The following LMCD1 variants were observed in gnomAD, a reference collection of about 807,000 sequenced individuals.
LMCD1 encodes LIM and cysteine rich domains 1.
A neutral mutation model predicts 42.7 loss-of-function variants in LMCD1; 32 were observed. The observed-to-expected ratio is 0.75, with a 90% CI of 0.57 to 1.01. The LOEUF (loss-of-function observed/expected upper bound fraction) is 1.01, where lower values mean the gene tolerates loss of function less well. LMCD1 is among the 50% of genes least tolerant of loss of function. The probability of loss-of-function intolerance (pLI) is 0.00; values close to 1 mark genes in which losing one functional copy is unlikely to be tolerated. For missense variants in LMCD1, 458 were observed against 483.1 expected, an observed-to-expected ratio of 0.95 and a Z score of 0.49; for synonymous variants, 178 against 184.9, an observed-to-expected ratio of 0.96 and a Z score of 0.30.
At chr3:8,565,189 T>C (rs1414323204) in intron 4 of LMCD1, among the ~76,000 whole-genome samples, 1 of 152,228 alleles carries the variant, frequency 6.6e-6, no homozygotes, top group Non-Finnish European at 1.5e-5. Context: ...TAAAGGGTAC[T>C]GAGACCAAAC....
rs1281317518 is a variant in LMCD1, at chr3:8,570,997, C to T, written c.*3399C>T. On this transcript the variant is annotated 3_prime_UTR_variant, in exon 6 of 6. Transcript: ENST00000157600. ...TGCCTCTGCTGGGGGGCTGCAATAG[C>T]TGAGTGGGATTCTGTACCAGAATTG... is the stretch of plus-strand genomic sequence containing the variant. 8 of 152,162 alleles carry T rather than the reference C, an allele frequency of 5.3e-5. No homozygotes were observed. The highest frequency in any genetic ancestry group is 1.2e-4 in the Non-Finnish European group (8 of 68,050). The allele number at this position is 152,162 out of a possible 1,614,324, so 9.4% of individuals were successfully genotyped here.
chr3:8,537,091 A>C (rs552347374), intron 2 of LMCD1, 94 bp from the exon 3 acceptor site: 416 of 1,402,362 alleles, frequency 3.0e-4, no homozygotes, highest in Non-Finnish European at 3.4e-4. Context: ...TTAAAGTTTT[A>C]GCTTGCTTTC....
chr3:8,565,606 T>G lies in LMCD1; in HGVS notation c.898T>G (p.Tyr300Asp), dbSNP rs1695119439. The G allele has an allele frequency of 6.2e-7, 1 of 1,612,392 alleles. No individual in the cohort carries two copies. Among genetic ancestry groups the G allele is most frequent in the African/African-American group, 1.3e-5 (1 of 75,046 alleles). Residue 300 changes from tyrosine to aspartate, a missense_variant, in exon 5 of 6, where the codon TAC becomes GAC. By Grantham distance (160) the Tyr-to-Asp change is radical (BLOSUM62 -3). Transcript: ENST00000157600. ...KDGAPWCGRH[Y>D]CESLRPRCSG... ...TGGTGCACCCTGGTGCGGCCGCCAT[T>G]ACTGCGAGAGTCTGCGGCCCCGGTG...
chr3:8,513,262 G>A (rs1050048233), intron 1 of LMCD1, among the ~76,000 whole-genome samples: 8 of 152,100 alleles, frequency 5.3e-5, no homozygotes, highest in African/African-American at 1.9e-4. Flanking sequence ...TCTATATTTT[G>A]GGTTTCTTCC....
intron 4 of LMCD1, among the ~76,000 whole-genome samples, chr3:8,553,999 G>A (rs1479272243): frequency 6.6e-6 from 1 of 152,160 alleles, no homozygotes; most frequent in Admixed American, 6.5e-5. Context: ...GGAAGAAAGG[G>A]GAAACTGTGA....
At chr3:8,554,157 G>T (rs1372727657) in intron 4 of LMCD1, among the ~76,000 whole-genome samples, 1 of 152,068 alleles carries the variant, frequency 6.6e-6, no homozygotes, top group Non-Finnish European at 1.5e-5. Flanking sequence ...CCATCCTCCC[G>T]CCTCAACCTC....
At chr3:8,559,656 G>A (rs565104907) in intron 4 of LMCD1, among the ~76,000 whole-genome samples, 85 of 152,330 alleles carry the variant, frequency 5.6e-4, no homozygotes, top group Non-Finnish European at 5.3e-4. Flanking sequence ...TGAGACCCAA[G>A]TAGGCTGGCA....
At chr3:8,565,032 A>C (rs1695101702) in intron 4 of LMCD1, among the ~76,000 whole-genome samples, 1 of 152,208 alleles carries the variant, frequency 6.6e-6, no homozygotes, top group African/African-American at 2.4e-5. Flanking sequence ...AGGTATGTTA[A>C]TGTATTACAG....
At position 8,506,168 on chromosome 3, in the gene LMCD1, C is replaced by T. The variant is rs1317700578; in HGVS notation, c.42+4188C>T. ...TTGGGGGCTGACAGTTGACTTTCACCAATGTATCTGCCACTGTGGTAGTGG... is the reference window on the plus strand; with the variant it reads ...TTGGGGGCTGACAGTTGACTTTCACTAATGTATCTGCCACTGTGGTAGTGG... On this transcript the variant is annotated intron_variant, in intron 1 of 5. Coordinates refer to ENST00000157600, the MANE Select transcript of LMCD1 (RefSeq NM_014583.4). 2.6e-5 allele frequency among the ~76,000 whole-genome samples: 4 copies of T among 152,142 alleles called. No homozygotes were observed. The South Asian group carries it at 8.3e-4, about 31-fold the overall frequency.
chr3:8,562,251 G>A (rs1695053027), intron 4 of LMCD1, among the ~76,000 whole-genome samples: 1 of 152,198 alleles, frequency 6.6e-6, no homozygotes, highest in Non-Finnish European at 1.5e-5. Flanking sequence ...GAAAGAGGAT[G>A]ACAAACAGCC....
intron 1 of LMCD1, among the ~76,000 whole-genome samples, chr3:8,502,283 TATATA>T (rs1693741809): frequency 1.7e-5 from 1 of 58,928 alleles, no homozygotes; most frequent in African/African-American, 7.1e-5. Context: ...ATATAAAATA[TATATA>T]ATATATATTA....
At chr3:8,509,411 C>T (rs1298265277) in intron 1 of LMCD1, among the ~76,000 whole-genome samples, 1 of 152,100 alleles carries the variant, frequency 6.6e-6, no homozygotes, top group African/African-American at 2.4e-5. Flanking sequence ...AGCAGCCCTC[C>T]CCTGCTCCAT....
chr3:8,538,815 C>T (rs1278209659), intron 3 of LMCD1, among the ~76,000 whole-genome samples: 2 of 152,164 alleles, frequency 1.3e-5, no homozygotes, highest in South Asian at 2.1e-4. Flanking sequence ...TCCTGTAAAC[C>T]GTAACATCCC....
chr3:8,547,746 A>AGCTGGGC (rs59400496), intron 3 of LMCD1, among the ~76,000 whole-genome samples: 2 of 151,536 alleles, frequency 1.3e-5, no homozygotes, highest in African/African-American at 2.4e-5. Flanking sequence ...CAAAAAAATT[A>AGCTGGGC]GCAGTGGCGG....
rs777617713 is a variant in LMCD1 at position 8,501,921 on chromosome 3, C to T, written c.-18C>T. 2.5e-6 allele frequency: 4 copies of T among 1,584,486 alleles called. No individual in the cohort carries two copies. The highest frequency in any genetic ancestry group is 2.6e-6 in the Non-Finnish European group (3 of 1,166,910). ...TCTGCCTGAGAAGCCAGGCGCTGTT[C>T]CCCCACCCCAGAAGAGGATGGCAAA... On this transcript the variant is annotated 5_prime_UTR_variant, in exon 1 of 6. Coordinates refer to ENST00000157600, the MANE Select transcript of LMCD1 (RefSeq NM_014583.4).
intron 1 of LMCD1, among the ~76,000 whole-genome samples, chr3:8,510,375 G>A (rs1693973460): frequency 6.6e-6 from 1 of 152,132 alleles, no homozygotes; most frequent in Non-Finnish European, 1.5e-5. Flanking sequence ...AGCATCTGGG[G>A]GCTTCTTATT....
chr3:8,540,460 A>T (rs1694601971), intron 3 of LMCD1, among the ~76,000 whole-genome samples: 1 of 152,228 alleles, frequency 6.6e-6, no homozygotes, highest in Middle Eastern at 3.2e-3. Flanking sequence ...TGAGGCTCAG[A>T]GAGATGATGC....
intron 4 of LMCD1, among the ~76,000 whole-genome samples, chr3:8,554,131 A>G (rs1272695441): frequency 1.3e-5 from 2 of 152,048 alleles, no homozygotes; most frequent in Non-Finnish European, 2.9e-5. Context: ...TGCAGCCACA[A>G]ACTCCCGGGT....
chr3:8,526,662 A>C (rs1694307806), intron 1 of LMCD1, among the ~76,000 whole-genome samples: 1 of 152,170 alleles, frequency 6.6e-6, no homozygotes, highest in Admixed American at 6.5e-5. Context: ...GAGGCTTGAG[A>C]ATTTGCAGTG....
Sources: allele counts gnomAD v4.1 joint callset (sites outside exome capture counted in the v4.1 genomes callset), GRCh38; gene constraint gnomAD v4.1.1; transcripts MANE v1.5; gene names NCBI Gene and HGNC (gene_info 2026-07-23, HGNC 2026-07-21).